Variants in ZKSCAN1 observed in about 807,000 individuals in gnomAD.
ZKSCAN1 encodes the protein zinc finger protein with KRAB and SCAN domains 1.
ZKSCAN1 carries 14 observed loss-of-function variants against 51.6 expected under a neutral mutation model. That is an observed-to-expected ratio of 0.27 (90% CI 0.18 to 0.42). ZKSCAN1 has a LOEUF of 0.42. Ranked by LOEUF, ZKSCAN1 falls within the 10% of genes least tolerant of loss-of-function variation. ZKSCAN1 has a pLI of 1.00. For missense variants in ZKSCAN1, 531 were observed against 710.0 expected (o/e 0.75, Z 2.86); for synonymous variants, 263 against 261.5 (o/e 1.01, Z -0.06).
At position 100,033,325 on chromosome 7, in the gene ZKSCAN1, A is replaced by G. The variant is rs143925671; in HGVS notation, c.820A>G (p.Asn274Asp). 1,773 of 1,608,700 alleles carry G rather than the reference A, an allele frequency of 1.1e-3. 4 individuals carry two copies. The highest frequency in any genetic ancestry group is 1.4e-3 in the Non-Finnish European group (1,637 of 1,178,476). ...GTCAGGTGGTGAAAACAGGAATGAG[A>G]ACGAGGAGTCAACCTCAAAGGCTGA... ...FPQGGENRNE[N>D]EESTSKAETS... The change falls in exon 6 of 6, where the codon AAC (asparagine) becomes GAC (aspartate). Residue 274 changes from asparagine (N) to aspartate (D), a missense_variant. Transcript: ENST00000324306. The surrounding 1 kb of genome is among the most constrained non-coding windows in gnomAD (Gnocchi z 4.1).
intron 1 of ZKSCAN1, among the ~76,000 whole-genome samples, chr7:100,020,667 A>G (rs1790552179): frequency 6.6e-6 from 1 of 152,180 alleles, no homozygotes; most frequent in Non-Finnish European, 1.5e-5. Flanking sequence ...ATATATATGT[A>G]TATATAATTT....
intron 2 of ZKSCAN1, 49 bp from the exon 3 acceptor site, chr7:100,024,105 T>C: frequency 1.3e-6 from 2 of 1,565,500 alleles, no homozygotes; most frequent in Non-Finnish European, 1.7e-6. Flanking sequence ...ATATTTTAAT[T>C]CCCATTTACA....
rs752313789 is a variant in ZKSCAN1, at chr7:100,023,501, G to C, written c.-6G>C. ...TGTTTGGATCAAGTCAGTTCCTGGA[G>C]CCTGAATGATGACTGCTGAATCACG... On this transcript the variant is annotated 5_prime_UTR_variant, in exon 2 of 6. Transcript: ENST00000324306. The C allele has an allele frequency of 6.2e-7, 1 of 1,606,010 alleles. No homozygotes were observed. The highest frequency in any genetic ancestry group is 8.5e-7 in the Non-Finnish European group (1 of 1,176,550).
downstream of ZKSCAN1, among the ~76,000 whole-genome samples, chr7:100,042,274 G>T (rs546401657): frequency 3.5e-5 from 5 of 144,106 alleles, no homozygotes; most frequent in African/African-American, 1.3e-4. Flanking sequence ...AGCCGAGATC[G>T]CACCACTGCA....
At position 100,033,594 on chromosome 7, in the gene ZKSCAN1, C is replaced by T; in HGVS notation, c.1089C>T (p.Asn363=). ...GAAGAAGCTTCAGTCTGAGCTCCAA[C>T]TTCACCACCCCTGAAGAAGTTCCCA... The part of the protein sequence containing the change: ...GLGRSFSLSS[N]FTTPEEVPTG... The change falls in exon 6 of 6, where the codon AAC becomes AAT. Residue 363 remains asparagine, a synonymous_variant. Coordinates refer to ENST00000324306, the MANE Select transcript of ZKSCAN1 (RefSeq NM_003439.4). This position sits in a 1 kb window ranked among gnomAD's most constrained non-coding sequence, Gnocchi z 4.1. 5 of 1,614,184 alleles carry T rather than the reference C, an allele frequency of 3.1e-6. No individual in the cohort carries two copies. Among genetic ancestry groups the T allele is most frequent in the South Asian group, 2.2e-5 (2 of 91,072 alleles).
chr7:100,043,951 A>AT (rs1177264885), downstream of ZKSCAN1, among the ~76,000 whole-genome samples: 1 of 149,204 alleles, frequency 6.7e-6, no homozygotes, highest in Admixed American at 6.7e-5. Flanking sequence ...TAATTTTTGT[A>AT]TTTTTTTTAG....
At position 100,023,781 on chromosome 7, in the gene ZKSCAN1, A is replaced by G; in HGVS notation, c.275A>G (p.Lys92Arg). ...HQWLRPEINT[K>R]EQILELLVLE... ...TGGCTGCGGCCAGAAATAAACACCA[A>G]GGAACAGATCCTGGAGCTTCTGGTG... is the stretch of plus-strand genomic sequence containing the variant. The change falls in exon 2 of 6, where the codon AAG (lysine) becomes AGG (arginine). Residue 92 changes from lysine (K) to arginine (R), a missense_variant. By Grantham distance (26) the Lys-to-Arg change is conservative (BLOSUM62 2). Coordinates refer to ENST00000324306, the MANE Select transcript of ZKSCAN1 (RefSeq NM_003439.4). The G allele has an allele frequency of 6.2e-7, 1 of 1,614,176 alleles. No homozygotes were observed. The highest frequency in any genetic ancestry group is 8.5e-7 in the Non-Finnish European group (1 of 1,180,022).
rs1429290713 is a variant in ZKSCAN1, at chr7:100,041,556, C to G, written c.*7359C>G. ...ATAGTCAGTGGTCCATTTTAGGAAGCCAGTGGCGTCTGATAAAGAAATGTT... is the reference window on the plus strand; with the variant it reads ...ATAGTCAGTGGTCCATTTTAGGAAGGCAGTGGCGTCTGATAAAGAAATGTT... On this transcript the variant is annotated 3_prime_UTR_variant, in exon 6 of 6. Transcript: ENST00000324306. 2.0e-6 allele frequency: 2 copies of G among 985,212 alleles called. No homozygotes were observed. Among genetic ancestry groups the G allele is most frequent in the African/African-American group, 3.5e-5 (2 of 57,180 alleles). 61.0% of individuals were successfully genotyped at this position (985,212 alleles called of 1,614,324 possible).
downstream of ZKSCAN1, among the ~76,000 whole-genome samples, chr7:100,042,016 C>G (rs578196856): frequency 1.6e-4 from 25 of 152,216 alleles, no homozygotes; most frequent in South Asian, 5.0e-3. Context: ...TAACAACAGA[C>G]TCTTTAAGAC....
At position 100,034,662 on chromosome 7, in the gene ZKSCAN1, C is replaced by T. The variant is rs149728897; in HGVS notation, c.*465C>T. 2.1e-5 allele frequency: 13 copies of T among 621,508 alleles called. No homozygotes were observed. The highest frequency in any genetic ancestry group is 2.4e-5 in the Non-Finnish European group (12 of 495,936). The allele number at this position is 621,508 out of a possible 1,614,324, so 38.5% of individuals were successfully genotyped here. A position where few individuals can be genotyped will look rare whatever the true frequency, so the allele number is the denominator to read the frequency against. ...AAAAGAGGGACAGTGAAAACAAAAA[C>T]GACATTGGGACATGCTGCTCAAGGT... On this transcript the variant is annotated 3_prime_UTR_variant, in exon 6 of 6. Coordinates refer to ENST00000324306, the MANE Select transcript of ZKSCAN1 (RefSeq NM_003439.4).
chr7:100,028,805 A>C (rs1790961998), intron 3 of ZKSCAN1, among the ~76,000 whole-genome samples: 1 of 151,806 alleles, frequency 6.6e-6, no homozygotes, highest in East Asian at 1.9e-4. Flanking sequence ...AAAAAAAAAA[A>C]AAAAAAACAG....
Position 100,032,614 on chromosome 7 carries a change from A to G in ZKSCAN1, c.800-691A>G, listed in dbSNP as rs185674558. On this transcript the variant is annotated intron_variant, in intron 5 of 5. Transcript: ENST00000324306. ...AGTGGCTCATGCCTGTAATCCCATC[A>G]CTTTGGGAGGCCAGGGCAGGTGGAT... Among the ~76,000 whole-genome samples the G allele has an allele frequency of 7.0e-3, 1,067 of 152,234 alleles. 8 individuals carry two copies. Among genetic ancestry groups the G allele is most frequent in the Middle Eastern group, 0.017 (5 of 294 alleles).
rs993163065 is a variant in ZKSCAN1 at position 100,041,081 on chromosome 7, A to T, written c.*6884A>T. ...ACAGATTTTACAACGAGGTCAGCAT[A>T]AGCCTAAATCTATATAGAGGGCTAA... On this transcript the variant is annotated 3_prime_UTR_variant, in exon 6 of 6. Coordinates refer to ENST00000324306, the MANE Select transcript of ZKSCAN1 (RefSeq NM_003439.4). The T allele has an allele frequency of 3.2e-6, 3 of 948,444 alleles. No individual in the cohort carries two copies. The African/African-American group carries it at 5.3e-5, about 17-fold the overall frequency. 58.8% of individuals were successfully genotyped at this position (948,444 alleles called of 1,614,324 possible).
At position 100,030,319 on chromosome 7, in the gene ZKSCAN1, G is replaced by T; in HGVS notation, c.743G>T (p.Arg248Leu). The T allele has an allele frequency of 6.2e-7, 1 of 1,614,112 alleles. No individual in the cohort carries two copies. Among genetic ancestry groups the T allele is most frequent in the Non-Finnish European group, 8.5e-7 (1 of 1,180,032 alleles). ...LEEWGCQNLA[R>L]RNLSRDNRQE... Reference sequence around the variant, plus strand: ...GAATGGGGATGTCAGAATCTGGCTCGGAGGAATCTCAGTAGGGACAACAGG... The same window carrying T: ...GAATGGGGATGTCAGAATCTGGCTCTGAGGAATCTCAGTAGGGACAACAGG... The change falls in exon 5 of 6, where the codon CGG becomes CTG. Residue 248 changes from arginine (R) to leucine (L), a missense_variant. Arg to Leu is a moderately radical substitution (Grantham distance 102, BLOSUM62 -2). Coordinates refer to ENST00000324306, the MANE Select transcript of ZKSCAN1 (RefSeq NM_003439.4).
Position 100,024,438 on chromosome 7 carries a change from A to G in ZKSCAN1, c.580+131A>G, listed in dbSNP as rs1790729459. 2.5e-6 allele frequency: 3 copies of G among 1,207,936 alleles called. No individual in the cohort carries two copies. The Admixed American group carries it at 8.2e-5, about 33-fold the overall frequency. 74.8% of individuals were successfully genotyped at this position (1,207,936 alleles called of 1,614,324 possible). On this transcript the variant is annotated intron_variant, in intron 3 of 5. Coordinates refer to ENST00000324306, the MANE Select transcript of ZKSCAN1 (RefSeq NM_003439.4). ...GCGAGACCCCATCTCTACAAAAAAT[A>G]GAAAAATTAGCCAGGTATAGTGGCG...
intron 1 of ZKSCAN1, among the ~76,000 whole-genome samples, chr7:100,018,517 T>C (rs1050781052): frequency 6.6e-6 from 1 of 151,784 alleles, no homozygotes; most frequent in African/African-American, 2.4e-5. Context: ...GCCTCCCAAG[T>C]AGCTGGGACT....
At chr7:100,025,680 C>A (rs968398596) in intron 3 of ZKSCAN1, among the ~76,000 whole-genome samples, 2 of 152,240 alleles carry the variant, frequency 1.3e-5, no homozygotes, top group Non-Finnish European at 2.9e-5. Flanking sequence ...GCCTTCTCCA[C>A]ACCTACGCTA....
At chr7:100,020,642 C>T (rs1014856898) in intron 1 of ZKSCAN1, among the ~76,000 whole-genome samples, 8 of 152,052 alleles carry the variant, frequency 5.3e-5, no homozygotes, top group African/African-American at 1.9e-4. Flanking sequence ...GGCGATAGAG[C>T]AAGACTCCGT....
At chr7:100,030,022 C>G in intron 4 of ZKSCAN1, 70 bp downstream of exon 4, 1 of 1,545,762 alleles carries the variant, frequency 6.5e-7, no homozygotes. Flanking sequence ...TCTTCATTAT[C>G]TCCACAGGCC....
Sources: allele counts gnomAD v4.1 joint callset (sites outside exome capture counted in the v4.1 genomes callset), GRCh38; gene constraint gnomAD v4.1.1; non-coding constraint Gnocchi (gnomAD v3.1); transcripts MANE v1.5; gene names NCBI Gene and HGNC (gene_info 2026-07-23, HGNC 2026-07-21).